The following PALM2AKAP2 variants were observed in gnomAD, a reference collection of about 807,000 sequenced individuals.
PALM2AKAP2 encodes the protein PALM2 and AKAP2 fusion, also known as PALM2-AKAP2 fusion protein.
In PALM2AKAP2, 37 loss-of-function variants were observed where a neutral mutation model predicts 71.5. The ratio of observed to expected loss-of-function variants is 0.52; its 90% CI spans 0.40 to 0.68. The LOEUF is 0.68. Ranked by LOEUF, PALM2AKAP2 falls within the 30% of genes least tolerant of loss-of-function variation. PALM2AKAP2 has a pLI of 0.00. For missense variants in PALM2AKAP2, 1,224 were observed against 1,191.8 expected (o/e 1.03, Z -0.40); for synonymous variants, 468 against 478.8 (o/e 0.98, Z 0.29).
intron 1 of PALM2AKAP2, among the ~76,000 whole-genome samples, chr9:110,062,931 T>G (rs957169735): frequency 1.3e-5 from 2 of 152,174 alleles, no homozygotes; most frequent in Non-Finnish European, 2.9e-5. Context: ...ACAGGGAAAT[T>G]CCTGGTGAGC....
intron 1 of PALM2AKAP2, among the ~76,000 whole-genome samples, chr9:110,058,898 G>T (rs13295830): frequency 1.3e-3 from 146 of 111,694 alleles, no homozygotes; most frequent in Middle Eastern, 6.0e-3. Flanking sequence ...AAGTTTTTTG[G>T]TTTTTTTTTT....
intron 1 of PALM2AKAP2, among the ~76,000 whole-genome samples, chr9:110,107,280 G>A (rs1835141147): frequency 6.6e-6 from 1 of 152,286 alleles, no homozygotes; most frequent in South Asian, 2.1e-4. Context: ...AAATGTTCAA[G>A]ATGATGAATA....
intron 6 of PALM2AKAP2, among the ~76,000 whole-genome samples, chr9:109,969,662 G>C (rs1404995224): frequency 5.3e-5 from 8 of 152,186 alleles, no homozygotes; most frequent in African/African-American, 1.9e-4. Context: ...AGCCCCTTCA[G>C]GGCTGAAGTC....
chr9:109,788,852 C>T (rs1183052658), intron 1 of PALM2AKAP2, among the ~76,000 whole-genome samples: 3 of 152,196 alleles, frequency 2.0e-5, no homozygotes, highest in Non-Finnish European at 4.4e-5. Flanking sequence ...GTGGGAAGAT[C>T]GCTTAAGCCC....
At chr9:109,694,449 A>G (rs1177328740) in intron 1 of PALM2AKAP2, among the ~76,000 whole-genome samples, 1 of 152,100 alleles carries the variant, frequency 6.6e-6, no homozygotes, top group Non-Finnish European at 1.5e-5. Flanking sequence ...ATAAAATGTA[A>G]TGTAAAATGA....
chr9:109,888,277 A>C (rs1215321930), intron 3 of PALM2AKAP2, among the ~76,000 whole-genome samples: 1 of 152,182 alleles, frequency 6.6e-6, no homozygotes, highest in African/African-American at 2.4e-5. Flanking sequence ...TTGATCTTGG[A>C]CAAGCCATGT....
At chr9:109,950,520 G>A (rs909701229) in intron 6 of PALM2AKAP2, among the ~76,000 whole-genome samples, 1 of 152,044 alleles carries the variant, frequency 6.6e-6, no homozygotes, top group South Asian at 2.1e-4. Flanking sequence ...CTGCTCCTCT[G>A]TCTGGCTAAC....
At chr9:109,784,896 C>A (rs1231805280) in intron 1 of PALM2AKAP2, among the ~76,000 whole-genome samples, 1 of 150,484 alleles carries the variant, frequency 6.6e-6, no homozygotes, top group Non-Finnish European at 1.5e-5. Flanking sequence ...AGCCAGGAGG[C>A]CTACCTCCTT....
chr9:109,901,381 G>T (rs1377623798), intron 3 of PALM2AKAP2, among the ~76,000 whole-genome samples: 1 of 152,194 alleles, frequency 6.6e-6, no homozygotes, highest in African/African-American at 2.4e-5. Context: ...CCTGGGAACG[G>T]ACATGAGTGT....
intron 1 of PALM2AKAP2, among the ~76,000 whole-genome samples, chr9:109,816,839 G>C (rs531993994): frequency 1.6e-3 from 239 of 152,256 alleles, no homozygotes; most frequent in African/African-American, 5.6e-3. Flanking sequence ...TGACATGAAG[G>C]AGAAAGAAAA....
Position 109,841,438 on chromosome 9 carries a change from C to T in PALM2AKAP2, c.46-26053C>T, listed in dbSNP as rs187854634. Among the ~76,000 whole-genome samples, 973 of 135,742 alleles carry T rather than the reference C, an allele frequency of 7.2e-3. 17 individuals are homozygous for T. Among genetic ancestry groups the T allele is most frequent in the African/African-American group, 0.027 (931 of 35,084 alleles). The allele number at this position is 135,742 out of a possible 152,430, so 89.1% of individuals were successfully genotyped here. A position where few individuals can be genotyped will look rare whatever the true frequency, so the allele number is the denominator to read the frequency against. On this transcript the variant is annotated intron_variant, in intron 1 of 9. Coordinates refer to the PALM2AKAP2 transcript ENST00000302798. ...GTAAATGATGAGTTAATGGGTGCAG[C>T]ACACCAACATGGCACATGTATACCT... is the stretch of plus-strand genomic sequence containing the variant.
In PALM2AKAP2 at chr9:109,692,162, AT is replaced by A. The variant is rs535273837; in HGVS notation, c.5+51298del. The stretch of plus-strand genomic sequence containing the variant: ...TATGTAAGTCAATGGTTTTTACTAT[AT>A]TCATAAAGTTGTGCAAAAATCACCA... On this transcript the variant is annotated intron_variant, in intron 1 of 6. Coordinates refer to the PALM2AKAP2 transcript ENST00000374531. 3.6e-3 allele frequency among the ~76,000 whole-genome samples: 538 copies of A among 151,400 alleles called. 7 individuals carry two copies. Among genetic ancestry groups the A allele is most frequent in the African/African-American group, 0.012 (515 of 41,434 alleles).
exon 6 of PALM2AKAP2, chr9:109,932,018 C>T (rs1231454311): frequency 4.3e-6 from 7 of 1,612,766 alleles, no homozygotes; most frequent in Non-Finnish European, 5.9e-6. Flanking sequence ...ACGGGACCAG[C>T]AGAGCGGCTG....
chr9:109,708,006 T>A (rs1365304743), intron 1 of PALM2AKAP2, among the ~76,000 whole-genome samples: 1 of 152,180 alleles, frequency 6.6e-6, no homozygotes, highest in Non-Finnish European at 1.5e-5. Context: ...CTTCTCCATT[T>A]TCACTGACAC....
intron 1 of PALM2AKAP2, among the ~76,000 whole-genome samples, chr9:109,746,097 C>T (rs1242894139): frequency 6.6e-6 from 1 of 152,198 alleles, no homozygotes; most frequent in Non-Finnish European, 1.5e-5. Flanking sequence ...CTTCAGACTG[C>T]TTAACGACTT....
chr9:109,806,554 G>A (rs986093344), intron 1 of PALM2AKAP2, among the ~76,000 whole-genome samples: 3 of 152,170 alleles, frequency 2.0e-5, no homozygotes, highest in African/African-American at 7.2e-5. Flanking sequence ...GGTTGTGCTG[G>A]GGAGGGGGAT....
intron 2 of PALM2AKAP2, among the ~76,000 whole-genome samples, chr9:110,149,646 T>G (rs893069442): frequency 6.6e-6 from 1 of 152,176 alleles, no homozygotes; most frequent in South Asian, 2.1e-4. Context: ...ACCACAAATA[T>G]AGTAGCTTAA....
intron 1 of PALM2AKAP2, among the ~76,000 whole-genome samples, chr9:110,063,168 T>A (rs995628274): frequency 6.6e-6 from 1 of 152,000 alleles, no homozygotes; most frequent in Non-Finnish European, 1.5e-5. Flanking sequence ...AAATTTGGAA[T>A]CCTCAAAATC....
At chr9:109,942,933 G>A in intron 6 of PALM2AKAP2, 1 of 1,614,168 alleles carries the variant, frequency 6.2e-7, no homozygotes, top group South Asian at 1.1e-5. Context: ...TAGGAGGAGG[G>A]CACGTGTCTG....
Sources: gnomAD v4.1 joint callset for allele counts (sites outside exome capture counted in the v4.1 genomes callset) on GRCh38, gnomAD v4.1.1 for gene constraint, MANE v1.5 for transcripts, NCBI Gene and HGNC (gene_info 2026-07-23, HGNC 2026-07-21) for gene names.